Variants in NRG3 observed in about 807,000 individuals in gnomAD.
The protein encoded by NRG3 is neuregulin 3, also known as pro-neuregulin-3, membrane-bound isoform.
Under a neutral mutation model 66.9 loss-of-function variants are expected in NRG3, and 31 were observed. That is an observed-to-expected ratio of 0.46 (90% confidence interval 0.35 to 0.63). The LOEUF (loss-of-function observed/expected upper bound fraction) is 0.63, where lower values mean the gene tolerates loss of function less well. NRG3 is among the 20% of genes least tolerant of loss of function. The pLI is 0.00. For missense variants in NRG3, 910 were observed against 878.9 expected, an observed-to-expected ratio of 1.04 and a Z score of -0.45; for synonymous variants, 393 against 359.4, an observed-to-expected ratio of 1.09 and a Z score of -1.06.
intron 3 of NRG3, among the ~76,000 whole-genome samples, chr10:82,855,239 G>A (rs1449080315): frequency 6.6e-6 from 1 of 152,128 alleles, no homozygotes; most frequent in African/African-American, 2.4e-5. Context: ...AACAATTTAT[G>A]AACCAAGGCT....
At chr10:82,427,470 T>TATG (rs2089522412) in intron 2 of NRG3, among the ~76,000 whole-genome samples, 7 of 152,194 alleles carry the variant, frequency 4.6e-5, no homozygotes, top group Admixed American at 4.6e-4. Flanking sequence ...AGTCTATTGA[T>TATG]ATGATGTATT....
At chr10:82,698,973 T>C (rs1313166182) in intron 2 of NRG3, among the ~76,000 whole-genome samples, 1 of 152,204 alleles carries the variant, frequency 6.6e-6, no homozygotes, top group Non-Finnish European at 1.5e-5. Flanking sequence ...GATATTTCTA[T>C]GGCTAACTCA....
chr10:82,671,681 C>T (rs745312945), intron 2 of NRG3, among the ~76,000 whole-genome samples: 1 of 152,148 alleles, frequency 6.6e-6, no homozygotes, highest in African/African-American at 2.4e-5. Context: ...ATGAGGTAAA[C>T]GATACTTCAT....
At chr10:82,130,861 A>AT (rs1168643748) in intron 1 of NRG3, among the ~76,000 whole-genome samples, 1 of 151,792 alleles carries the variant, frequency 6.6e-6, no homozygotes, top group East Asian at 1.9e-4. Context: ...TTCTATTCAG[A>AT]TTTTTTGCCC....
chr10:82,404,105 A>G (rs2087319019), intron 2 of NRG3, among the ~76,000 whole-genome samples: 1 of 152,154 alleles, frequency 6.6e-6, no homozygotes, highest in Non-Finnish European at 1.5e-5. Context: ...CTGACATTTT[A>G]GGTTTTTATT....
chr10:82,418,384 C>T (rs952818201), intron 2 of NRG3, among the ~76,000 whole-genome samples: 1 of 145,406 alleles, frequency 6.9e-6, no homozygotes, highest in African/African-American at 2.6e-5. Context: ...AAAAATTAAC[C>T]AGTTTATGCA....
intron 2 of NRG3, among the ~76,000 whole-genome samples, chr10:82,523,114 A>G (rs1021751416): frequency 6.6e-6 from 1 of 152,198 alleles, no homozygotes; most frequent in Non-Finnish European, 1.5e-5. Flanking sequence ...TTATGGAGCA[A>G]TATTGCATTG....
chr10:82,779,773 G>C (rs544330076), intron 3 of NRG3, among the ~76,000 whole-genome samples: 2 of 151,758 alleles, frequency 1.3e-5, no homozygotes, highest in South Asian at 4.2e-4. Flanking sequence ...TGTGCAGAAG[G>C]TGGAGGTTTG....
Position 82,978,999 on chromosome 10 carries a change from A to G in NRG3, c.1462A>G (p.Arg488Gly). The G allele has an allele frequency of 6.2e-7, 1 of 1,614,070 alleles. No homozygotes were observed. The highest frequency in any genetic ancestry group is 8.5e-7 in the Non-Finnish European group (1 of 1,179,978). The stretch of plus-strand genomic sequence containing the variant: ...AGGGCAAAGAAGTGGCATGCTCCAT[A>G]GGAATGCCTTCAGAAGGACACCCCC... ...SPGQRSGMLH[R>G]NAFRRTPPSP... Residue 488 changes from arginine to glycine, a missense_variant, in exon 8 of 9, where the codon AGG becomes GGG. Physicochemically the swap from Arg to Gly is moderately radical, Grantham distance 125. Coordinates refer to ENST00000372141, the MANE Select transcript of NRG3 (RefSeq NM_001010848.4).
chr10:82,336,891 C>T (rs963783380), intron 1 of NRG3, among the ~76,000 whole-genome samples: 1 of 152,164 alleles, frequency 6.6e-6, no homozygotes, highest in Non-Finnish European at 1.5e-5. Flanking sequence ...CCAACAATCA[C>T]AGAGAATGGA....
rs528370753 is a variant in NRG3, at chr10:82,389,610, C to T, written c.953+30742C>T. On this transcript the variant is annotated intron_variant, in intron 2 of 8. Transcript: ENST00000372141. ...TACTTTTTATATGGCAGTAGACAAA[C>T]GAGGGTAACTGGTGAATATATAAGT... is the stretch of plus-strand genomic sequence containing the variant. Among the ~76,000 whole-genome samples, 7 of 151,984 alleles carry T rather than the reference C, an allele frequency of 4.6e-5. No homozygotes were observed. In the South Asian group the frequency reaches 6.2e-4, roughly 14 times the overall value.
chr10:82,489,326 A>G (rs1480282039), intron 2 of NRG3, among the ~76,000 whole-genome samples: 1 of 152,186 alleles, frequency 6.6e-6, no homozygotes, highest in Admixed American at 6.5e-5. Context: ...ATACCAGGGA[A>G]CAGTTAGCAA....
At chr10:82,697,964 A>G (rs1047886341) in intron 2 of NRG3, among the ~76,000 whole-genome samples, 3 of 152,082 alleles carry the variant, frequency 2.0e-5, no homozygotes, top group African/African-American at 7.2e-5. Flanking sequence ...CTGTCTTACG[A>G]AAGGGAGAGG....
intron 2 of NRG3, among the ~76,000 whole-genome samples, chr10:82,657,728 C>T (rs1423571470): frequency 6.6e-6 from 1 of 151,718 alleles, no homozygotes; most frequent in African/African-American, 2.4e-5. Context: ...ATTGAAAAGA[C>T]AACAGGAACT....
chr10:82,635,512 G>A (rs1681386931), intron 2 of NRG3, among the ~76,000 whole-genome samples: 1 of 152,028 alleles, frequency 6.6e-6, no homozygotes, highest in Non-Finnish European at 1.5e-5. Context: ...GGCTGGGGGA[G>A]GATTCATGGT....
At chr10:82,716,963 T>C (rs368605468) in intron 2 of NRG3, among the ~76,000 whole-genome samples, 1 of 152,200 alleles carries the variant, frequency 6.6e-6, no homozygotes, top group Admixed American at 6.6e-5. Context: ...AAGTGGTTTC[T>C]ATTTAATCAG....
intron 1 of NRG3, among the ~76,000 whole-genome samples, chr10:82,025,308 C>T (rs1413426603): frequency 1.3e-5 from 2 of 150,988 alleles, no homozygotes; most frequent in East Asian, 3.9e-4. Context: ...ATACTCTAGC[C>T]ATATCTGACT....
intron 2 of NRG3, among the ~76,000 whole-genome samples, chr10:82,503,103 C>T (rs1214209689): frequency 6.6e-6 from 1 of 152,032 alleles, no homozygotes; most frequent in Non-Finnish European, 1.5e-5. Context: ...TAGAAGAAAG[C>T]CCAGAAGTGA....
In NRG3 at chr10:82,478,764, T is replaced by C. The variant is rs1302576167; in HGVS notation, c.953+119896T>C. Among the ~76,000 whole-genome samples the C allele has an allele frequency of 2.0e-5, 3 of 152,230 alleles. No individual in the cohort carries two copies. In the South Asian group the frequency reaches 6.2e-4, roughly 32 times the overall value. ...GAAGTCTTTTAGACTTATCCTATTA[T>C]ATCCTTTTATATGCCACGCCAGTTG... On this transcript the variant is annotated intron_variant, in intron 2 of 8. Coordinates refer to ENST00000372141, the MANE Select transcript of NRG3 (RefSeq NM_001010848.4).
Sources: allele counts gnomAD v4.1 joint callset (sites outside exome capture counted in the v4.1 genomes callset), GRCh38; gene constraint gnomAD v4.1.1; transcripts MANE v1.5; gene names NCBI Gene and HGNC (gene_info 2026-07-23, HGNC 2026-07-21).